CNBD1: variants seen among roughly 807,000 people sequenced by gnomAD.
CNBD1 encodes cyclic nucleotide binding domain containing 1.
In CNBD1, 71 loss-of-function variants were observed where a neutral mutation model predicts 54.4. The ratio of observed to expected loss-of-function variants is 1.30; its 90% CI spans 1.08 to 1.59. The LOEUF is 1.59. Among genes scored for constraint, CNBD1 ranks in the 40% most tolerant of loss-of-function variants. CNBD1 has a pLI of 0.00. For missense variants in CNBD1, 659 were observed against 518.0 expected (o/e 1.27, Z -2.64); for synonymous variants, 182 against 170.7 (o/e 1.07, Z -0.51).
At chr8:87,099,594 A>G (rs969863060) in intron 4 of CNBD1, among the ~76,000 whole-genome samples, 1 of 152,146 alleles carries the variant, frequency 6.6e-6, no homozygotes, top group African/African-American at 2.4e-5. Context: ...TCATTTAATT[A>G]TTTCCTAACA....
chr8:87,388,006 C>T (rs923268819), intron 2 of CNBD1, among the ~76,000 whole-genome samples: 2 of 152,160 alleles, frequency 1.3e-5, no homozygotes, highest in Non-Finnish European at 2.9e-5. Context: ...TGAATGACTA[C>T]TGGGTACATA....
At chr8:86,966,852 G>T (rs1442096830) in intron 4 of CNBD1, among the ~76,000 whole-genome samples, 1 of 152,170 alleles carries the variant, frequency 6.6e-6, no homozygotes, top group Non-Finnish European at 1.5e-5. Context: ...ACCCTAGGGG[G>T]TTGCTGTTGC....
chr8:86,953,659 G>C (rs902142306), intron 4 of CNBD1, among the ~76,000 whole-genome samples: 1 of 152,100 alleles, frequency 6.6e-6, no homozygotes, highest in Non-Finnish European at 1.5e-5. Context: ...CTGAGATCAG[G>C]AGTTCAAGAC....
intron 4 of CNBD1, among the ~76,000 whole-genome samples, chr8:87,188,449 G>C (rs114122103): frequency 6.6e-6 from 1 of 152,156 alleles, no homozygotes; most frequent in Non-Finnish European, 1.5e-5. Flanking sequence ...AATGAAGGAG[G>C]CTCGGTGCGG....
intron 4 of CNBD1, among the ~76,000 whole-genome samples, chr8:87,181,110 CATT>C (rs1813302633): frequency 6.6e-6 from 1 of 152,114 alleles, no homozygotes; most frequent in Non-Finnish European, 1.5e-5. Flanking sequence ...ATGTTTTTAT[CATT>C]ATTTTTATAT....
At chr8:87,320,404 A>C (rs978005089) in intron 8 of CNBD1, among the ~76,000 whole-genome samples, 3 of 152,134 alleles carry the variant, frequency 2.0e-5, no homozygotes, top group African/African-American at 7.2e-5. Flanking sequence ...CTTTATAAAA[A>C]TTGGCTGAAA....
intron 4 of CNBD1, among the ~76,000 whole-genome samples, chr8:87,108,696 T>C (rs1227765838): frequency 6.6e-6 from 1 of 152,202 alleles, no homozygotes; most frequent in Non-Finnish European, 1.5e-5. Context: ...AATTTTATTT[T>C]CCTATCTTAC....
rs1194656124 is a variant in CNBD1, at chr8:87,163,994, T to G, written c.432-41999T>G. Among the ~76,000 whole-genome samples, 2 of 151,932 alleles carry G rather than the reference T, an allele frequency of 1.3e-5. No individual in the cohort carries two copies. Among genetic ancestry groups the G allele is most frequent in the Non-Finnish European group, 2.9e-5 (2 of 67,876 alleles). On this transcript the variant is annotated intron_variant, in intron 4 of 10. Transcript: ENST00000518476. This position sits in a 1 kb window ranked among gnomAD's most constrained non-coding sequence, Gnocchi z 4.5. ...TCCTGTACCTAATTTGTTGAGAATTTCTATTTTTGAAAGAATGCCTAGTTT... is the reference window on the plus strand; with the variant it reads ...TCCTGTACCTAATTTGTTGAGAATTGCTATTTTTGAAAGAATGCCTAGTTT...
intron 4 of CNBD1, among the ~76,000 whole-genome samples, chr8:87,072,316 A>G (rs967886745): frequency 2.6e-5 from 4 of 152,132 alleles, no homozygotes; most frequent in Admixed American, 2.6e-4. Context: ...TAAAGTAAGT[A>G]TTATTATGTG....
At chr8:87,047,250 A>T (rs1810215208) in intron 4 of CNBD1, among the ~76,000 whole-genome samples, 1 of 152,020 alleles carries the variant, frequency 6.6e-6, no homozygotes, top group South Asian at 2.1e-4. Context: ...TCCCCAGGGG[A>T]TGTGTGTTCC....
chr8:87,251,984 T>C (rs1807927785), intron 6 of CNBD1, among the ~76,000 whole-genome samples: 1 of 152,154 alleles, frequency 6.6e-6, no homozygotes, highest in Non-Finnish European at 1.5e-5. Context: ...GATTACTATA[T>C]CTGATGGGCA....
At chr8:86,921,653 T>C (rs965981050) in intron 3 of CNBD1, among the ~76,000 whole-genome samples, 1 of 152,160 alleles carries the variant, frequency 6.6e-6, no homozygotes, top group Non-Finnish European at 1.5e-5. Context: ...TCAGATCTCC[T>C]GACACTTATT....
chr8:87,179,446 T>C (rs1202611295), intron 4 of CNBD1, among the ~76,000 whole-genome samples: 2 of 152,210 alleles, frequency 1.3e-5, no homozygotes, highest in East Asian at 1.9e-4. Flanking sequence ...AGAGTCTAAA[T>C]GTAGATCTTC....
At chr8:87,017,981 C>T (rs539869543) in intron 4 of CNBD1, among the ~76,000 whole-genome samples, 5 of 152,330 alleles carry the variant, frequency 3.3e-5, no homozygotes, top group South Asian at 4.1e-4. Context: ...CAGTGGCTCA[C>T]GCCTATAATC....
intron 4 of CNBD1, among the ~76,000 whole-genome samples, chr8:87,047,254 G>A (rs1026921459): frequency 6.6e-6 from 1 of 152,138 alleles, no homozygotes; most frequent in Admixed American, 6.5e-5. Context: ...CAGGGGATGT[G>A]TGTTCCTGGG....
At chr8:87,100,965 C>T (rs969528236) in intron 4 of CNBD1, among the ~76,000 whole-genome samples, 5 of 152,028 alleles carry the variant, frequency 3.3e-5, no homozygotes, top group Non-Finnish European at 7.4e-5. Flanking sequence ...AACCAGCATC[C>T]AGAAAGAGAA....
intron 10 of CNBD1, among the ~76,000 whole-genome samples, chr8:87,356,945 T>C (rs1810431836): frequency 6.6e-6 from 1 of 152,186 alleles, no homozygotes; most frequent in Non-Finnish European, 1.5e-5. Context: ...CTCAGGACGC[T>C]GCTCTCAGAA....
At chr8:86,891,695 T>C (rs764202119) in intron 2 of CNBD1, among the ~76,000 whole-genome samples, 11 of 152,134 alleles carry the variant, frequency 7.2e-5, no homozygotes, top group Non-Finnish European at 1.6e-4. Flanking sequence ...ATTTTAACAA[T>C]ATTAATTCTT....
chr8:87,257,042 G>A (rs1348632523), intron 6 of CNBD1, among the ~76,000 whole-genome samples: 1 of 151,988 alleles, frequency 6.6e-6, no homozygotes, highest in East Asian at 1.9e-4. Flanking sequence ...TCTTGCATGG[G>A]AAAGCTTTTA....
Sources: gnomAD v4.1 joint callset for allele counts (sites outside exome capture counted in the v4.1 genomes callset) on GRCh38, gnomAD v4.1.1 for gene constraint, Gnocchi (gnomAD v3.1) non-coding constraint, MANE v1.5 for transcripts, NCBI Gene and HGNC (gene_info 2026-07-23, HGNC 2026-07-21) for gene names.